The following PARP16 variants were observed in gnomAD, a reference collection of about 807,000 sequenced individuals.
The protein encoded by PARP16 is protein mono-ADP-ribosyltransferase PARP16.
A neutral mutation model predicts 35.0 loss-of-function variants in PARP16; 31 were observed. The observed-to-expected ratio is 0.88, with a 90% CI of 0.66 to 1.19. PARP16 has a LOEUF of 1.19. Among genes scored for constraint, PARP16 ranks in the 50% most tolerant of loss-of-function variants. The pLI is 0.00. For missense variants in PARP16, 424 were observed against 411.2 expected (o/e 1.03, Z -0.27); for synonymous variants, 162 against 169.5 (o/e 0.96, Z 0.34).
chr15:65,270,720 A>T (rs2090067339), intron 2 of PARP16, among the ~76,000 whole-genome samples: 1 of 152,190 alleles, frequency 6.6e-6, no homozygotes, highest in Admixed American at 6.5e-5. Context: ...CACAGCTGAG[A>T]TGAGACAGAA....
downstream of PARP16, among the ~76,000 whole-genome samples, chr15:65,255,039 G>A (rs1315114330): frequency 6.6e-6 from 1 of 152,150 alleles, no homozygotes; most frequent in Admixed American, 6.5e-5. Flanking sequence ...GGACAGATGG[G>A]GTTGCTTTTC....
intron 2 of PARP16, among the ~76,000 whole-genome samples, chr15:65,266,990 C>T (rs547833667): frequency 6.6e-6 from 1 of 152,002 alleles, no homozygotes; most frequent in Non-Finnish European, 1.5e-5. Context: ...ACCTGTAATC[C>T]CAAAACTTTG....
chr15:65,249,799 C>T (rs1051656147), intron 2 of PARP16, among the ~76,000 whole-genome samples: 1 of 152,236 alleles, frequency 6.6e-6, no homozygotes, highest in African/African-American at 2.4e-5. Flanking sequence ...CTTCCTGCCC[C>T]ACATTCAGTG....
chr15:65,250,987 G>A (rs1322421571), intron 2 of PARP16, among the ~76,000 whole-genome samples: 1 of 152,114 alleles, frequency 6.6e-6, no homozygotes, highest in Non-Finnish European at 1.5e-5. Context: ...AGGTCCAAGC[G>A]ATTCTCGTGC....
At chr15:65,277,113 T>A (rs2090282777) in intron 1 of PARP16, among the ~76,000 whole-genome samples, 1 of 152,168 alleles carries the variant, frequency 6.6e-6, no homozygotes, top group Non-Finnish European at 1.5e-5. Flanking sequence ...GCCTCTTTGC[T>A]TAACAGTACC....
At chr15:65,264,799 G>A (rs2089838795) in intron 3 of PARP16, among the ~76,000 whole-genome samples, 1 of 152,190 alleles carries the variant, frequency 6.6e-6, no homozygotes, top group South Asian at 2.1e-4. Context: ...ACTGGCAGAT[G>A]GACTCCCTCA....
intron 1 of PARP16, among the ~76,000 whole-genome samples, chr15:65,278,934 G>A (rs1398868367): frequency 6.6e-6 from 1 of 152,140 alleles, no homozygotes; most frequent in Non-Finnish European, 1.5e-5. Context: ...AGTGGAGCTA[G>A]AAGGCTGCTG....
At chr15:65,283,640 A>AG (rs2090485886) in intron 1 of PARP16, among the ~76,000 whole-genome samples, 2 of 152,158 alleles carry the variant, frequency 1.3e-5, no homozygotes, top group African/African-American at 4.8e-5. Flanking sequence ...CTCCACCCCT[A>AG]GATGGTGTTC....
At position 65,258,655 on chromosome 15, in the gene PARP16, T is replaced by C. The variant is rs1227735433; in HGVS notation, c.*752A>G. 2.0e-5 allele frequency: 3 copies of C among 152,616 alleles called. No homozygotes were observed. Among genetic ancestry groups the C allele is most frequent in the Non-Finnish European group, 4.4e-5 (3 of 68,030 alleles). 9.5% of individuals were successfully genotyped at this position (152,616 alleles called of 1,614,324 possible). ...CAAAGACTAATTTGTTAAACAGCTA[T>C]TAAAAAAAAATCAGAAAACAAACAT... On this transcript the variant is annotated 3_prime_UTR_variant, in exon 6 of 6. Transcript: ENST00000649807.
chr15:65,270,836 G>A (rs1567031057), intron 2 of PARP16, 99 bp downstream of exon 2: 3 of 1,192,510 alleles, frequency 2.5e-6, no homozygotes, highest in Non-Finnish European at 3.7e-6. Context: ...AGCTGCCCAG[G>A]TCACTGGTAC....
chr15:65,251,892 G>A (rs1473523052), intron 2 of PARP16, among the ~76,000 whole-genome samples: 1 of 152,070 alleles, frequency 6.6e-6, no homozygotes, highest in African/African-American at 2.4e-5. Flanking sequence ...AGCCTCCCGA[G>A]TAGCTGGGAC....
chr15:65,240,925 T>G (rs576850450), intron 3 of PARP16, among the ~76,000 whole-genome samples: 1 of 152,022 alleles, frequency 6.6e-6, no homozygotes, highest in East Asian at 1.9e-4. Context: ...TTCCGCCTCC[T>G]GTGTTCAAGC....
intron 1 of PARP16, among the ~76,000 whole-genome samples, chr15:65,284,736 G>A (rs2090529314): frequency 6.6e-6 from 1 of 150,674 alleles, no homozygotes; most frequent in African/African-American, 2.4e-5. Flanking sequence ...CTCAGTGATT[G>A]CTACAACTCA....
At chr15:65,256,400 C>T (rs553377351), downstream of PARP16, among the ~76,000 whole-genome samples, 3 of 146,606 alleles carry the variant, frequency 2.0e-5, no homozygotes, top group East Asian at 4.6e-4. Context: ...CTTTCCTCTG[C>T]CCACGGCTTT....
chr15:65,257,490 G>A (rs1012936046), downstream of PARP16, among the ~76,000 whole-genome samples: 1 of 151,386 alleles, frequency 6.6e-6, no homozygotes, highest in South Asian at 2.1e-4. Context: ...AATGAGCCAG[G>A]CATGGTGGTG....
intron 1 of PARP16, among the ~76,000 whole-genome samples, chr15:65,273,292 AAAG>A (rs1006385976): frequency 6.7e-6 from 1 of 149,794 alleles, no homozygotes; most frequent in Non-Finnish European, 1.5e-5. Flanking sequence ...AAAAAAAAAA[AAAG>A]AATACCTGTG....
chr15:65,259,536 C>T lies in PARP16; in HGVS notation c.840G>A (p.Ser280=), dbSNP rs780736427. 4.3e-5 allele frequency: 69 copies of T among 1,613,846 alleles called. 2 individuals are homozygous for T. The South Asian group carries it at 7.4e-4, about 17-fold the overall frequency. ...GGCTGGAAAACCAGGAGAGCTGGCT[C>T]GAAGCCCTGCTTAAGAGGGAAAAAA... is the stretch of plus-strand genomic sequence containing the variant. The part of the protein sequence containing the change: ...VYSQKPPKRA[S]SQLSWFSSHW... Residue 280 remains serine, a synonymous_variant, in exon 6 of 6, where the codon TCG becomes TCA. Coordinates refer to ENST00000649807, the MANE Select transcript of PARP16 (RefSeq NM_001316943.2).
chr15:65,239,565 C>G (rs1477228135), intron 3 of PARP16, among the ~76,000 whole-genome samples: 1 of 151,464 alleles, frequency 6.6e-6, no homozygotes, highest in African/African-American at 2.4e-5. Context: ...TCCCCACCTC[C>G]CATTCCTAGG....
intron 1 of PARP16, 29 bp downstream of exon 1, chr15:65,286,224 T>C: frequency 6.6e-7 from 1 of 1,516,240 alleles, no homozygotes; most frequent in Non-Finnish European, 8.8e-7. Context: ...CAGGACGCAG[T>C]GGGCAGCGCC....
Sources: gnomAD v4.1 joint callset for allele counts (sites outside exome capture counted in the v4.1 genomes callset) on GRCh38, gnomAD v4.1.1 for gene constraint, MANE v1.5 for transcripts, NCBI Gene and HGNC (gene_info 2026-07-23, HGNC 2026-07-21) for gene names.